The following DCT variants were observed in gnomAD, a reference collection of about 807,000 sequenced individuals.
The protein encoded by DCT is dopachrome tautomerase.
Under a neutral mutation model 53.0 loss-of-function variants are expected in DCT, and 47 were observed. That is an observed-to-expected ratio of 0.89 (90% confidence interval 0.70 to 1.13). The LOEUF is 1.13. Among genes scored for constraint, DCT ranks in the 50% most tolerant of loss-of-function variants. The pLI is 0.00. For missense variants in DCT, 669 were observed against 637.4 expected, an observed-to-expected ratio of 1.05 and a Z score of -0.53; for synonymous variants, 244 against 237.0, an observed-to-expected ratio of 1.03 and a Z score of -0.27.
the DCT span, among the ~76,000 whole-genome samples, chr13:94,498,093 C>T: frequency 6.6e-6 from 1 of 152,246 alleles, no homozygotes; most frequent in Non-Finnish European, 1.5e-5. Context: ...TAAACCTCTA[C>T]TCCCTCAGGA....
the DCT span, among the ~76,000 whole-genome samples, chr13:94,489,597 G>C: frequency 1.3e-5 from 2 of 151,996 alleles, no homozygotes; most frequent in Non-Finnish European, 2.9e-5. Context: ...GCAAACCACT[G>C]GTCTGACCCA....
chr13:94,542,560 T>C, the DCT span, among the ~76,000 whole-genome samples: 1 of 152,148 alleles, frequency 6.6e-6, no homozygotes, highest in South Asian at 2.1e-4. Context: ...GGAATGGCAA[T>C]TTTCTTCTCT....
the DCT span, among the ~76,000 whole-genome samples, chr13:94,531,718 G>C: frequency 3.3e-5 from 5 of 152,204 alleles, no homozygotes; most frequent in Admixed American, 6.5e-5. Context: ...TACCATTCAG[G>C]ACATAGGCAT....
the DCT span, among the ~76,000 whole-genome samples, chr13:94,533,430 T>A: frequency 6.6e-6 from 1 of 152,044 alleles, no homozygotes. Context: ...ACAGGAAAAG[T>A]AACCAGATGG....
rs182143233 is a variant in DCT at position 94,475,981 on chromosome 13, G to T, written c.295+2980C>A. ...AGTTTGGACTGAGCAGATCACGGGG[G>T]GAGGTGAGCCACAGCCTGGAGATGG... On this transcript the variant is annotated intron_variant, in intron 1 of 7. Transcript: ENST00000377028. Among the ~76,000 whole-genome samples, 625 of 152,300 alleles carry T rather than the reference G, an allele frequency of 4.1e-3. 1 individual carries two copies. The highest frequency in any genetic ancestry group is 7.1e-3 in the Admixed American group (109 of 15,298).
At chr13:94,515,830 G>A in the DCT span, among the ~76,000 whole-genome samples, 1 of 152,134 alleles carries the variant, frequency 6.6e-6, no homozygotes, top group Admixed American at 6.5e-5. Flanking sequence ...AAGTTGAGTT[G>A]GGGTAGGCGA....
the DCT span, among the ~76,000 whole-genome samples, chr13:94,500,871 A>C: frequency 0.013 from 1,981 of 152,346 alleles, 42 homozygotes; most frequent in African/African-American, 0.045. Context: ...CAAAAGCAGA[A>C]TAGCACAATG....
chr13:94,505,018 T>A, the DCT span, among the ~76,000 whole-genome samples: 1 of 152,018 alleles, frequency 6.6e-6, no homozygotes, highest in Non-Finnish European at 1.5e-5. Flanking sequence ...CAGCAGCATT[T>A]CAGCAACAGA....
At chr13:94,482,869 C>T (rs913540000), upstream of DCT, among the ~76,000 whole-genome samples, 7 of 152,180 alleles carry the variant, frequency 4.6e-5, no homozygotes, top group African/African-American at 1.7e-4. Context: ...AACCCAACAT[C>T]ACTACAACCC....
the DCT span, among the ~76,000 whole-genome samples, chr13:94,530,331 A>C: frequency 9.2e-5 from 14 of 152,216 alleles, no homozygotes; most frequent in Non-Finnish European, 1.8e-4. Context: ...TAGAGACACC[A>C]CAAAATAAAG....
At chr13:94,490,461 T>C in the DCT span, among the ~76,000 whole-genome samples, 20 of 132,072 alleles carry the variant, frequency 1.5e-4, no homozygotes, top group African/African-American at 5.5e-4. Context: ...GCCGAGATTG[T>C]GCCACTGCAC....
the DCT span, among the ~76,000 whole-genome samples, chr13:94,534,227 C>T: frequency 1.3e-5 from 2 of 152,134 alleles, no homozygotes; most frequent in Non-Finnish European, 2.9e-5. Flanking sequence ...GTCCAACTCT[C>T]TCTCTTACTT....
the DCT span, among the ~76,000 whole-genome samples, chr13:94,485,105 G>T: frequency 7.8e-6 from 1 of 128,134 alleles, no homozygotes; most frequent in Admixed American, 9.2e-5. Flanking sequence ...AAACAAAAGC[G>T]TCTCACTCTG....
chr13:94,472,145 A>T (rs947194641), intron 1 of DCT, among the ~76,000 whole-genome samples: 1 of 152,214 alleles, frequency 6.6e-6, no homozygotes, highest in Admixed American at 6.5e-5. Flanking sequence ...AACTTATGCC[A>T]TGAATTTGAA....
the DCT span, among the ~76,000 whole-genome samples, chr13:94,508,621 T>C: frequency 6.6e-6 from 1 of 152,146 alleles, no homozygotes; most frequent in African/African-American, 2.4e-5. Flanking sequence ...GGAGAAAGAC[T>C]CAGGAGGAAT....
At chr13:94,484,496 C>A (rs1283357825), upstream of DCT, among the ~76,000 whole-genome samples, 1 of 152,188 alleles carries the variant, frequency 6.6e-6, no homozygotes, top group Non-Finnish European at 1.5e-5. Context: ...TATTAGTTTG[C>A]TTTGGCTTCC....
chr13:94,444,295 C>T (rs998217100), intron 6 of DCT: 3 of 402,270 alleles, frequency 7.5e-6, no homozygotes, highest in Admixed American at 2.9e-5. Flanking sequence ...TGGTCCCAAG[C>T]ATTTCAGATA....
the DCT span, among the ~76,000 whole-genome samples, chr13:94,528,011 AT>A: frequency 2.0e-5 from 3 of 152,226 alleles, no homozygotes; most frequent in African/African-American, 7.2e-5. Context: ...TCAGTAGCCA[AT>A]TTGATCAAGT....
chr13:94,500,299 C>A, the DCT span, among the ~76,000 whole-genome samples: 1 of 152,166 alleles, frequency 6.6e-6, no homozygotes, highest in African/African-American at 2.4e-5. Context: ...CTGGGGAGGC[C>A]TCACAATCAT....
Sources: allele counts gnomAD v4.1 joint callset (sites outside exome capture counted in the v4.1 genomes callset), GRCh38; gene constraint gnomAD v4.1.1; transcripts MANE v1.5; gene names NCBI Gene and HGNC (gene_info 2026-07-23, HGNC 2026-07-21).